Variants in SCRIB observed in about 807,000 individuals in gnomAD.
SCRIB encodes protein scribble homolog.
A neutral mutation model predicts 170.0 loss-of-function variants in SCRIB; 72 were observed. That is an observed-to-expected ratio of 0.42 (90% CI 0.35 to 0.52). SCRIB has a LOEUF of 0.52. Among genes scored for constraint, SCRIB ranks in the 20% least tolerant of loss-of-function variants. SCRIB has a pLI of 0.02. For synonymous variants in SCRIB, 1,298 were observed against 1,044.3 expected (o/e 1.24, Z -4.68); for missense variants, 2,475 against 2,338.5 (o/e 1.06, Z -1.20).
rs1815885698 is a variant in SCRIB at position 143,813,912 on chromosome 8, A to C, written c.278-16T>G. The C allele has an allele frequency of 6.2e-7, 1 of 1,605,420 alleles. No homozygotes were observed. Among genetic ancestry groups the C allele is most frequent in the Admixed American group, 1.7e-5 (1 of 59,698 alleles). On this transcript the variant is annotated splice_polypyrimidine_tract_variant and intron_variant, in intron 2 of 36. Transcript: ENST00000356994. ...TCAGGGATATCTGTCACAGAGGGTC[A>C]CAGTGGACAGATGCCATGGCCTGCA...
chr8:143,806,790 G>T, intron 17 of SCRIB, 134 bp downstream of exon 17: 1 of 700,814 alleles, frequency 1.4e-6, no homozygotes, highest in Non-Finnish European at 2.4e-6. Flanking sequence ...TCCCACAACA[G>T]TAGGTGCCTT....
chr8:143,803,954 G>A lies in SCRIB; in HGVS notation c.3121-14C>T, dbSNP rs782692750. ...CCGCGGGAGCACCTGTCAGGGAGGA[G>A]GGTGGCAGCTGGTGGCTGAGGCCGC... On this transcript the variant is annotated splice_polypyrimidine_tract_variant and intron_variant, in intron 22 of 36. Transcript: ENST00000356994. 3 of 1,574,806 alleles carry A rather than the reference G, an allele frequency of 1.9e-6. No homozygotes were observed. In the East Asian group the frequency reaches 6.8e-5, roughly 36 times the overall value.
intron 24 of SCRIB, among the ~76,000 whole-genome samples, chr8:143,802,193 G>A (rs918146463): frequency 4.6e-5 from 7 of 152,272 alleles, no homozygotes; most frequent in African/African-American, 9.6e-5. Flanking sequence ...AAGGACAGGA[G>A]GGGACCCGGT....
intron 16 of SCRIB, among the ~76,000 whole-genome samples, chr8:143,807,221 C>T (rs1344850739): frequency 1.3e-5 from 2 of 152,238 alleles, no homozygotes; most frequent in African/African-American, 2.4e-5. Flanking sequence ...CTCTGCAGAG[C>T]GTGGTGGGCT....
chr8:143,803,667 C>T lies in SCRIB; in HGVS notation c.3394G>A (p.Glu1132Lys), dbSNP rs1225727278. ...CTCACCTTGGAGATGAAGATGCCCTCGTCTGTGGGGTCGCGGGGGTTGCCA... is the reference window on the plus strand; with the variant it reads ...CTCACCTTGGAGATGAAGATGCCCTTGTCTGTGGGGTCGCGGGGGTTGCCA... Reference protein sequence around the residue: ...HAGNPRDPTDEGIFISKVSPT... With the variant: ...HAGNPRDPTDKGIFISKVSPT... The change falls in exon 23 of 37, where the codon GAG becomes AAG. Residue 1132 changes from glutamate (E) to lysine (K), a missense_variant. Transcript: ENST00000356994. 5.7e-6 allele frequency: 9 copies of T among 1,565,388 alleles called. No homozygotes were observed. In the East Asian group the frequency reaches 6.9e-5, roughly 12 times the overall value.
chr8:143,806,948 G>A lies in SCRIB; in HGVS notation c.2244C>T (p.Ser748=). The change falls in exon 17 of 37, where the codon TCC becomes TCT. Residue 748 remains serine, a synonymous_variant. Transcript: ENST00000356994. The part of the protein sequence containing the change: ...LGISIAGGKG[S]TPYKGDDEGI... ...CCTCGTCGTCCCCCTTATAGGGTGT[G>A]GAGCCCTTGCCGCCCGCAATGCTGA... The A allele has an allele frequency of 1.2e-6, 2 of 1,613,094 alleles. No individual in the cohort carries two copies. Among genetic ancestry groups the A allele is most frequent in the Non-Finnish European group, 1.7e-6 (2 of 1,179,574 alleles).
chr8:143,812,743 C>G, intron 8 of SCRIB, 74 bp downstream of exon 8: 2 of 1,538,860 alleles, frequency 1.3e-6, no homozygotes, highest in Non-Finnish European at 8.8e-7. Context: ...ACACCACACA[C>G]AGCCCCGACG....
chr8:143,799,944 C>A (rs1321522772), intron 24 of SCRIB, among the ~76,000 whole-genome samples: 1 of 152,052 alleles, frequency 6.6e-6, no homozygotes, highest in Non-Finnish European at 1.5e-5. Flanking sequence ...GTGGGCAAAC[C>A]GATGCCCACA....
At chr8:143,813,170 G>A (rs1160647858) in intron 6 of SCRIB, 66 bp from the exon 7 acceptor site, 20 of 1,585,822 alleles carry the variant, frequency 1.3e-5, no homozygotes, top group East Asian at 4.5e-5. Context: ...GTGCTCAAGA[G>A]ACTATACGCC....
intron 24 of SCRIB, among the ~76,000 whole-genome samples, chr8:143,800,670 C>G (rs932940694): frequency 1.3e-5 from 2 of 152,250 alleles, no homozygotes; most frequent in Non-Finnish European, 2.9e-5. Context: ...AGCCCAGGAG[C>G]TGAAGACCAG....
chr8:143,804,198 C>T, intron 21 of SCRIB, 42 bp from the exon 22 acceptor site: 1 of 1,464,136 alleles, frequency 6.8e-7, no homozygotes, highest in Non-Finnish European at 9.4e-7. Flanking sequence ...TCGGTCAGGA[C>T]AGGGAAAGGG....
rs550548761 is a variant in SCRIB at position 143,796,904 on chromosome 8, C to T, written c.3604-1374G>A. ...AAAAGGCAGACCCGGGTGCTGACTC[C>T]GACAGCCACTAGGAGCTCACCCTCT... On this transcript the variant is annotated intron_variant, in intron 24 of 36. Coordinates refer to ENST00000356994, the MANE Select transcript of SCRIB (RefSeq NM_182706.5). Among the ~76,000 whole-genome samples the T allele has an allele frequency of 8.5e-5, 13 of 152,288 alleles. No homozygotes were observed. In the South Asian group the frequency reaches 1.2e-3, roughly 15 times the overall value.
rs573629880 is a variant in SCRIB at position 143,806,273 on chromosome 8, C to T, written c.2346+134G>A. The stretch of plus-strand genomic sequence containing the variant: ...GGGGTTTACAGGTTCCGTGGCTTCA[C>T]CCGGAAGTCTGGGTGTCCTGTGCTT... On this transcript the variant is annotated intron_variant, in intron 18 of 36. Coordinates refer to ENST00000356994, the MANE Select transcript of SCRIB (RefSeq NM_182706.5). 96 of 698,572 alleles carry T rather than the reference C, an allele frequency of 1.4e-4. 1 individual carries two copies. In the Admixed American group the frequency reaches 1.5e-3, roughly 11 times the overall value. 43.3% of individuals were successfully genotyped at this position (698,572 alleles called of 1,614,324 possible). A position where few individuals can be genotyped will look rare whatever the true frequency, so the allele number is the denominator to read the frequency against.
chr8:143,799,432 A>G (rs1368036708), intron 24 of SCRIB, among the ~76,000 whole-genome samples: 11 of 152,212 alleles, frequency 7.2e-5, no homozygotes, highest in Admixed American at 7.2e-4. Context: ...CAGCGTGACC[A>G]GGAGGAAGAG....
intron 16 of SCRIB, 30 bp downstream of exon 16, chr8:143,807,522 C>G: frequency 6.3e-7 from 1 of 1,589,044 alleles, no homozygotes; most frequent in Non-Finnish European, 8.6e-7. Flanking sequence ...AGCAGCGGCC[C>G]GGCCAGAGTG....
At chr8:143,791,819 C>G in intron 34 of SCRIB, 57 bp downstream of exon 34, 7 of 1,503,410 alleles carry the variant, frequency 4.7e-6, no homozygotes, top group Non-Finnish European at 5.4e-6. Context: ...GGGGGCAGGC[C>G]AGACCCCACC....
intron 21 of SCRIB, 118 bp downstream of exon 21, chr8:143,804,450 C>T (rs566154940): frequency 4.9e-5 from 54 of 1,106,088 alleles, no homozygotes; most frequent in South Asian, 1.6e-4. Context: ...GGGGAAAGGG[C>T]GAGCAGGCCG....
At position 143,808,997 on chromosome 8, in the gene SCRIB, A is replaced by T. The variant is rs1239934197; in HGVS notation, c.1727T>A (p.Leu576Gln). The change falls in exon 15 of 37, where the codon CTG (leucine) becomes CAG (glutamine). Residue 576 changes from leucine (L) to glutamine (Q), a missense_variant. This residue lies in a region of SCRIB where 1,966 missense variants were observed against 1,742.9 expected (regional missense o/e 1.13). Transcript: ENST00000356994. ...EPTVHFAEDA[L>Q]LPGDDREIEE... ...GATCTCCCTGTCATCCCCGGGCAGC[A>T]GTGCGTCCTCTGCGAAATGCACCGT... The T allele has an allele frequency of 8.7e-6, 14 of 1,612,964 alleles. No individual in the cohort carries two copies. Among genetic ancestry groups the T allele is most frequent in the African/African-American group, 1.3e-5 (1 of 74,932 alleles).
chr8:143,802,830 G>T (rs1554635229), intron 24 of SCRIB, among the ~76,000 whole-genome samples: 2 of 152,242 alleles, frequency 1.3e-5, no homozygotes, highest in African/African-American at 2.4e-5. Flanking sequence ...TTCTGCTCTG[G>T]AGTCCAGGAA....
Sources: gnomAD v4.1 joint callset for allele counts (sites outside exome capture counted in the v4.1 genomes callset) on GRCh38, gnomAD v4.1.1 for gene constraint, gnomAD v4.1.1 regional missense constraint, MANE v1.5 for transcripts, NCBI Gene and HGNC (gene_info 2026-07-23, HGNC 2026-07-21) for gene names.